Variants in MACROD2 observed in about 807,000 individuals in gnomAD.
MACROD2 encodes the protein mono-ADP ribosylhydrolase 2.
In MACROD2, 36 loss-of-function variants were observed where a neutral mutation model predicts 70.4. That is an observed-to-expected ratio of 0.51 (90% CI 0.39 to 0.68). MACROD2 has a LOEUF of 0.68. Among genes scored for constraint, MACROD2 ranks in the 30% least tolerant of loss-of-function variants. MACROD2 has a pLI of 0.00. For missense variants in MACROD2, 496 were observed against 538.4 expected, an observed-to-expected ratio of 0.92 and a Z score of 0.78; for synonymous variants, 172 against 178.8, an observed-to-expected ratio of 0.96 and a Z score of 0.30.
At chr20:14,677,330 A>G (rs908782425) in intron 4 of MACROD2, among the ~76,000 whole-genome samples, 1 of 152,240 alleles carries the variant, frequency 6.6e-6, no homozygotes, top group Non-Finnish European at 1.5e-5. Context: ...CAAAAGTGAC[A>G]ACAATTCCCC....
intron 6 of MACROD2, among the ~76,000 whole-genome samples, chr20:15,265,398 G>A (rs1195399260): frequency 6.6e-6 from 1 of 152,184 alleles, no homozygotes; most frequent in African/African-American, 2.4e-5. Context: ...TTTGAGGGGA[G>A]TGGGTTCTGT....
intron 5 of MACROD2, among the ~76,000 whole-genome samples, chr20:14,687,763 C>A (rs969205416): frequency 3.9e-5 from 6 of 152,126 alleles, no homozygotes; most frequent in African/African-American, 1.4e-4. Flanking sequence ...AGTGCCACCT[C>A]ATAAAAGTCA....
intron 4 of MACROD2, among the ~76,000 whole-genome samples, chr20:14,593,485 G>A (rs1600428930): frequency 6.6e-6 from 1 of 152,130 alleles, no homozygotes; most frequent in Non-Finnish European, 1.5e-5. Flanking sequence ...CAAAACAAAC[G>A]TGCTTTGGGA....
At chr20:14,486,606 A>G (rs1292967118) in intron 3 of MACROD2, among the ~76,000 whole-genome samples, 1 of 130,806 alleles carries the variant, frequency 7.6e-6, no homozygotes, top group Non-Finnish European at 1.5e-5. Context: ...CGCAACCTCC[A>G]CCTCCTGGGT....
intron 4 of MACROD2, among the ~76,000 whole-genome samples, chr20:14,672,248 T>C (rs1339430112): frequency 6.6e-6 from 1 of 152,236 alleles, no homozygotes; most frequent in African/African-American, 2.4e-5. Context: ...CTAGTCTAAG[T>C]TGGCCTCCGC....
At chr20:14,226,823 C>T (rs1956723106) in intron 3 of MACROD2, among the ~76,000 whole-genome samples, 1 of 152,242 alleles carries the variant, frequency 6.6e-6, no homozygotes, top group South Asian at 2.1e-4. Context: ...GCCAAGCCTC[C>T]CCGATGAGCG....
intron 2 of MACROD2, among the ~76,000 whole-genome samples, chr20:14,028,764 A>T (rs910933655): frequency 2.0e-5 from 3 of 152,020 alleles, no homozygotes; most frequent in African/African-American, 7.2e-5. Flanking sequence ...TCCCAGTGAG[A>T]TGAGCCAGGT....
intron 4 of MACROD2, among the ~76,000 whole-genome samples, chr20:14,520,255 A>G (rs907033487): frequency 6.6e-6 from 1 of 152,168 alleles, no homozygotes; most frequent in African/African-American, 2.4e-5. Flanking sequence ...GCTTCTTTTA[A>G]AAGATGGTGG....
chr20:14,269,435 AC>A (rs2082171929), intron 3 of MACROD2, among the ~76,000 whole-genome samples: 1 of 152,202 alleles, frequency 6.6e-6, no homozygotes, highest in South Asian at 2.1e-4. Flanking sequence ...ATGGGGTCTG[AC>A]AAAAATAAAT....
At chr20:15,913,169 T>C (rs1326867190) in intron 10 of MACROD2, among the ~76,000 whole-genome samples, 2 of 152,140 alleles carry the variant, frequency 1.3e-5, no homozygotes, top group Non-Finnish European at 2.9e-5. Flanking sequence ...ACTATTATTA[T>C]TATTATTTCT....
At chr20:14,820,035 C>A (rs2072823003) in intron 5 of MACROD2, among the ~76,000 whole-genome samples, 1 of 151,926 alleles carries the variant, frequency 6.6e-6, no homozygotes, top group Non-Finnish European at 1.5e-5. Context: ...GATGATCATC[C>A]CGGAGTGCTG....
chr20:14,813,137 T>G (rs2072734178), intron 5 of MACROD2, among the ~76,000 whole-genome samples: 1 of 152,022 alleles, frequency 6.6e-6, no homozygotes, highest in Non-Finnish European at 1.5e-5. Flanking sequence ...TCTGAAATAT[T>G]TTCATTGGCT....
chr20:15,150,937 G>A (rs1430678367), intron 5 of MACROD2, among the ~76,000 whole-genome samples: 2 of 151,974 alleles, frequency 1.3e-5, no homozygotes, highest in African/African-American at 4.8e-5. Context: ...ATGGAGGCAA[G>A]GGAAACAGGC....
intron 8 of MACROD2, among the ~76,000 whole-genome samples, chr20:15,572,741 C>T (rs1466671585): frequency 6.6e-6 from 1 of 152,070 alleles, no homozygotes; most frequent in African/African-American, 2.4e-5. Context: ...AAAAGCGATT[C>T]TGCTAAAGAA....
chr20:14,906,800 G>C (rs967915019), intron 5 of MACROD2, among the ~76,000 whole-genome samples: 3 of 152,132 alleles, frequency 2.0e-5, no homozygotes, highest in African/African-American at 7.2e-5. Flanking sequence ...CTTCTTTGAA[G>C]TATTCTTTAA....
At chr20:14,703,666 C>T (rs934788009) in intron 5 of MACROD2, among the ~76,000 whole-genome samples, 1 of 152,182 alleles carries the variant, frequency 6.6e-6, no homozygotes, top group African/African-American at 2.4e-5. Context: ...GATCATGCCA[C>T]TGCTCTCCAG....
intron 13 of MACROD2, among the ~76,000 whole-genome samples, chr20:15,971,282 T>C (rs1372402452): frequency 1.3e-5 from 2 of 152,150 alleles, no homozygotes; most frequent in Non-Finnish European, 2.9e-5. Context: ...TCATCTTGAA[T>C]TGTAGCTCCC....
chr20:14,314,534 G>T (rs1448422533), intron 3 of MACROD2, among the ~76,000 whole-genome samples: 1 of 152,194 alleles, frequency 6.6e-6, no homozygotes, highest in Non-Finnish European at 1.5e-5. Flanking sequence ...GCCGAGGTGG[G>T]TGGATCACCT....
intron 11 of MACROD2, among the ~76,000 whole-genome samples, chr20:15,935,079 A>G (rs1255612768): frequency 6.6e-6 from 1 of 152,080 alleles, no homozygotes; most frequent in Non-Finnish European, 1.5e-5. Context: ...GCACTCACAT[A>G]CACATGTATG....
Sources: gnomAD v4.1 joint callset for allele counts (sites outside exome capture counted in the v4.1 genomes callset) on GRCh38, gnomAD v4.1.1 for gene constraint, MANE v1.5 for transcripts, NCBI Gene and HGNC (gene_info 2026-07-23, HGNC 2026-07-21) for gene names.